The following MMP26 variants were observed in gnomAD, a reference collection of about 807,000 sequenced individuals.
MMP26 encodes matrix metalloproteinase-26.
A neutral mutation model predicts 31.0 loss-of-function variants in MMP26; 33 were observed. That is an observed-to-expected ratio of 1.06 (90% CI 0.81 to 1.42). The LOEUF (loss-of-function observed/expected upper bound fraction) is 1.42, where lower values mean the gene tolerates loss of function less well. Among genes scored for constraint, MMP26 ranks in the 40% most tolerant of loss-of-function variants. The pLI is 0.00. For synonymous variants in MMP26, 122 were observed against 114.9 expected, an observed-to-expected ratio of 1.06 and a Z score of -0.40; for missense variants, 347 against 316.1, an observed-to-expected ratio of 1.10 and a Z score of -0.74.
intron 2 of MMP26, among the ~76,000 whole-genome samples, chr11:4,929,309 G>T (rs1483385444): frequency 6.6e-6 from 1 of 151,938 alleles, no homozygotes; most frequent in African/African-American, 2.4e-5. Flanking sequence ...CTTGGCAAAA[G>T]AAAGTTTGTG....
Position 4,930,892 on chromosome 11 carries a change from G to A in MMP26, c.-144-57176G>A, listed in dbSNP as rs1020181738. ...ACATACTTTTATTTCTTTTTGCAGC[G>A]TTGTTCTCAAATGTGTCTAATTGTT... is the stretch of plus-strand genomic sequence containing the variant. On this transcript the variant is annotated intron_variant, in intron 2 of 7. Coordinates refer to ENST00000380390, the MANE Select transcript of MMP26 (RefSeq NM_021801.5). 5.9e-5 allele frequency among the ~76,000 whole-genome samples: 9 copies of A among 151,650 alleles called. No homozygotes were observed. In the South Asian group the frequency reaches 6.2e-4, roughly 11 times the overall value.
intron 1 of MMP26, among the ~76,000 whole-genome samples, chr11:4,717,523 GT>G (rs199894702): frequency 3.3e-5 from 5 of 149,448 alleles, no homozygotes; most frequent in African/African-American, 1.3e-4. Context: ...ATATTTCCAT[GT>G]TGTTTTTTTT....
chr11:4,799,798 T>C (rs1281032621), intron 2 of MMP26, among the ~76,000 whole-genome samples: 1 of 152,150 alleles, frequency 6.6e-6, no homozygotes, highest in Non-Finnish European at 1.5e-5. Flanking sequence ...AAGAGAGAAA[T>C]TGTCCAAAAG....
At chr11:4,763,782 T>C (rs535207428) in intron 1 of MMP26, among the ~76,000 whole-genome samples, 3 of 152,342 alleles carry the variant, frequency 2.0e-5, no homozygotes, top group Non-Finnish European at 4.4e-5. Context: ...AGATTTTTTG[T>C]AGATGATTTT....
At chr11:4,815,375 C>T (rs756071283) in intron 2 of MMP26, among the ~76,000 whole-genome samples, 7 of 152,048 alleles carry the variant, frequency 4.6e-5, no homozygotes, top group Non-Finnish European at 7.4e-5. Flanking sequence ...TTGAGGCCCA[C>T]GAAGAATTTC....
At chr11:4,869,642 C>T (rs1466872116) in intron 2 of MMP26, among the ~76,000 whole-genome samples, 11 of 152,094 alleles carry the variant, frequency 7.2e-5, no homozygotes, top group African/African-American at 2.7e-4. Flanking sequence ...GGTTCAACCA[C>T]TGTGGAAGAC....
At chr11:4,723,270 C>T in intron 1 of MMP26, 2 of 1,098,768 alleles carry the variant, frequency 1.8e-6, no homozygotes, top group Non-Finnish European at 1.4e-6. Flanking sequence ...TTGCAGATCT[C>T]AGTCTTGTGC....
Position 4,919,361 on chromosome 11 carries a change from T to A in MMP26, c.-144-68707T>A, listed in dbSNP as rs149807067. On this transcript the variant is annotated intron_variant, in intron 2 of 7. Coordinates refer to ENST00000380390, the MANE Select transcript of MMP26 (RefSeq NM_021801.5). ...AAAATAAAGGCCATGAACGCTAGAGTGACTGGAGGACGGATGTTTAAATCC... is the reference window on the plus strand; with the variant it reads ...AAAATAAAGGCCATGAACGCTAGAGAGACTGGAGGACGGATGTTTAAATCC... 6.6e-5 allele frequency: 10 copies of A among 151,966 alleles called. No homozygotes were observed. The East Asian group carries it at 1.7e-3, about 26-fold the overall frequency. The allele number at this position is 151,966 out of a possible 1,614,324, so 9.4% of individuals were successfully genotyped here.
intron 2 of MMP26, among the ~76,000 whole-genome samples, chr11:4,780,300 A>T (rs1400287087): frequency 6.6e-6 from 1 of 152,140 alleles, no homozygotes; most frequent in Non-Finnish European, 1.5e-5. Flanking sequence ...CAACCCTCCC[A>T]CAAGCAGTGC....
At chr11:4,949,607 A>C (rs1466124275) in intron 2 of MMP26, among the ~76,000 whole-genome samples, 1 of 122,932 alleles carries the variant, frequency 8.1e-6, no homozygotes. Flanking sequence ...ATTAGGAAAT[A>C]AGAGTTGAAA....
intron 1 of MMP26, among the ~76,000 whole-genome samples, chr11:4,706,357 C>A (rs1333231908): frequency 6.6e-6 from 1 of 151,792 alleles, no homozygotes; most frequent in Admixed American, 6.6e-5. Context: ...TTCAATAGTT[C>A]AAGACCAGCC....
chr11:4,937,766 A>G (rs780341903), intron 2 of MMP26: 17 of 171,572 alleles, frequency 9.9e-5, no homozygotes, highest in Non-Finnish European at 2.0e-4. Context: ...TAGGAGTGGG[A>G]GAGCAGGTTT....
chr11:4,732,447 T>C (rs1848185170), intron 1 of MMP26, among the ~76,000 whole-genome samples: 1 of 150,802 alleles, frequency 6.6e-6, no homozygotes. Flanking sequence ...ATTTAAAATG[T>C]AAAAATTAAT....
chr11:4,884,761 G>C (rs936941703), intron 2 of MMP26, among the ~76,000 whole-genome samples: 4 of 152,078 alleles, frequency 2.6e-5, no homozygotes, highest in African/African-American at 4.8e-5. Flanking sequence ...TGGAAAAACA[G>C]TATTTTTTTT....
chr11:4,856,549 C>A (rs1368557391), intron 2 of MMP26, among the ~76,000 whole-genome samples: 1 of 152,200 alleles, frequency 6.6e-6, no homozygotes, highest in Non-Finnish European at 1.5e-5. Flanking sequence ...GCGCCCAATA[C>A]AGGAGCACCC....
At chr11:4,831,204 C>A (rs1849641575) in intron 2 of MMP26, among the ~76,000 whole-genome samples, 1 of 152,172 alleles carries the variant, frequency 6.6e-6, no homozygotes, top group African/African-American at 2.4e-5. Context: ...TGCTCAGAGA[C>A]TTTCCATGAA....
At chr11:4,789,011 C>T (rs1314739452) in intron 2 of MMP26, among the ~76,000 whole-genome samples, 1 of 152,130 alleles carries the variant, frequency 6.6e-6, no homozygotes. Flanking sequence ...CTGATTCTCT[C>T]TTTGTGATTT....
chr11:4,829,288 C>T (rs1849615765), intron 2 of MMP26, among the ~76,000 whole-genome samples: 1 of 152,120 alleles, frequency 6.6e-6, no homozygotes, highest in Non-Finnish European at 1.5e-5. Flanking sequence ...CTCTTTTCTC[C>T]ACTTTTCTGC....
At chr11:4,719,599 A>G (rs1351593903) in intron 1 of MMP26, 1 of 152,354 alleles carries the variant, frequency 6.6e-6, no homozygotes, top group Non-Finnish European at 1.5e-5. Context: ...TTGTCATTTT[A>G]TAGATGAGTA....
Sources: allele counts gnomAD v4.1 joint callset (sites outside exome capture counted in the v4.1 genomes callset), GRCh38; gene constraint gnomAD v4.1.1; transcripts MANE v1.5; gene names NCBI Gene and HGNC (gene_info 2026-07-23, HGNC 2026-07-21).